The following KAZN variants were observed in gnomAD, a reference collection of about 807,000 sequenced individuals.
The protein encoded by KAZN is kazrin, periplakin interacting protein.
In KAZN, 40 loss-of-function variants were observed where a neutral mutation model predicts 87.4. That is an observed-to-expected ratio of 0.46 (90% CI 0.36 to 0.60). KAZN has a LOEUF of 0.60. KAZN is among the 20% of genes least tolerant of loss of function. KAZN has a pLI of 0.00. For synonymous variants in KAZN, 466 were observed against 458.3 expected, an observed-to-expected ratio of 1.02 and a Z score of -0.22; for missense variants, 898 against 1,073.9, an observed-to-expected ratio of 0.84 and a Z score of 2.29.
intron 1 of KAZN, among the ~76,000 whole-genome samples, chr1:14,118,502 G>A (rs1412272170): frequency 1.3e-5 from 2 of 152,148 alleles, no homozygotes; most frequent in Non-Finnish European, 2.9e-5. Flanking sequence ...ATTTTGAAGT[G>A]TATAAAATTT....
intron 2 of KAZN, among the ~76,000 whole-genome samples, chr1:14,984,334 G>A (rs1022227284): frequency 6.6e-6 from 1 of 151,988 alleles, no homozygotes; most frequent in Non-Finnish European, 1.5e-5. Flanking sequence ...CTGAGATCAT[G>A]CCACTCCACT....
intron 1 of KAZN, among the ~76,000 whole-genome samples, chr1:14,075,452 A>G (rs1480561462): frequency 1.3e-5 from 2 of 152,222 alleles, no homozygotes; most frequent in East Asian, 3.8e-4. Flanking sequence ...CTCAGCACAC[A>G]TCAAGGTGCA....
intron 1 of KAZN, among the ~76,000 whole-genome samples, chr1:14,644,659 C>T (rs1413059566): frequency 6.6e-6 from 1 of 152,184 alleles, no homozygotes; most frequent in Admixed American, 6.5e-5. Context: ...CCGTGCCGGG[C>T]CTTCTCTTGT....
chr1:14,271,403 G>A (rs1469648152), intron 2 of KAZN, among the ~76,000 whole-genome samples: 1 of 152,192 alleles, frequency 6.6e-6, no homozygotes, highest in Non-Finnish European at 1.5e-5. Flanking sequence ...ACCCAGTTGT[G>A]ATTAACTGAA....
chr1:14,237,423 G>C (rs535520759), intron 2 of KAZN, among the ~76,000 whole-genome samples: 1 of 152,020 alleles, frequency 6.6e-6, no homozygotes, highest in Non-Finnish European at 1.5e-5. Context: ...TCATTGCCTC[G>C]TCACATGAAA....
chr1:14,138,461 T>C (rs959007480), intron 1 of KAZN, among the ~76,000 whole-genome samples: 1 of 152,112 alleles, frequency 6.6e-6, no homozygotes, highest in African/African-American at 2.4e-5. Context: ...TAATGTCTCA[T>C]TGGTCACATG....
chr1:14,394,066 C>G (rs1417369478), intron 2 of KAZN, among the ~76,000 whole-genome samples: 2 of 152,162 alleles, frequency 1.3e-5, no homozygotes, highest in African/African-American at 4.8e-5. Flanking sequence ...TTGATGTTCT[C>G]TTGTCACCAA....
chr1:14,404,308 G>A (rs866791497), intron 2 of KAZN, among the ~76,000 whole-genome samples: 1 of 152,324 alleles, frequency 6.6e-6, no homozygotes, highest in African/African-American at 2.4e-5. Context: ...ACTTGTGCAA[G>A]CTTCCAACTT....
At chr1:14,929,370 A>G (rs1025403768) in intron 1 of KAZN, among the ~76,000 whole-genome samples, 1 of 152,230 alleles carries the variant, frequency 6.6e-6, no homozygotes, top group African/African-American at 2.4e-5. Flanking sequence ...CATAATGGGC[A>G]CCAAGCACCA....
At chr1:14,183,599 C>T (rs944077100) in intron 2 of KAZN, among the ~76,000 whole-genome samples, 8 of 152,040 alleles carry the variant, frequency 5.3e-5, no homozygotes, top group African/African-American at 9.7e-5. Flanking sequence ...ACCGAAGAAG[C>T]GATTCTTTCT....
chr1:14,937,315 G>A lies in KAZN; in HGVS notation c.227-23369G>A, dbSNP rs569495093. Among the ~76,000 whole-genome samples the A allele has an allele frequency of 5.9e-5, 9 of 152,264 alleles. 1 individual carries two copies. Among genetic ancestry groups the A allele is most frequent in the Non-Finnish European group, 1.0e-4 (7 of 68,022 alleles). ...GGTTTTCTTAGAGCACCTACTTGGG[G>A]CCAGCTCCCTTTCTAGTTCCCTGCA... is the stretch of plus-strand genomic sequence containing the variant. On this transcript the variant is annotated intron_variant, in intron 1 of 14. Coordinates refer to ENST00000376030, the MANE Select transcript of KAZN (RefSeq NM_201628.3).
At chr1:14,950,245 G>A (rs1347084103) in intron 1 of KAZN, among the ~76,000 whole-genome samples, 1 of 152,030 alleles carries the variant, frequency 6.6e-6, no homozygotes, top group Non-Finnish European at 1.5e-5. Context: ...AGGATCATAT[G>A]ACACAGGCCC....
At chr1:14,973,239 T>G (rs1557675366) in intron 2 of KAZN, among the ~76,000 whole-genome samples, 1 of 152,242 alleles carries the variant, frequency 6.6e-6, no homozygotes. Flanking sequence ...CAGCAGATAC[T>G]TGTTGAAGTC....
intron 1 of KAZN, among the ~76,000 whole-genome samples, chr1:14,827,894 A>T (rs1157795338): frequency 6.6e-6 from 1 of 152,216 alleles, no homozygotes; most frequent in Non-Finnish European, 1.5e-5. Flanking sequence ...AAACCCTAGA[A>T]ATAGACTGGG....
intron 1 of KAZN, among the ~76,000 whole-genome samples, chr1:14,664,045 T>C (rs1201660940): frequency 2.6e-5 from 4 of 152,228 alleles, no homozygotes; most frequent in Non-Finnish European, 5.9e-5. Context: ...TTAGGGATAG[T>C]ATGCTAAGTG....
At chr1:14,456,727 A>G (rs1271738868) in intron 2 of KAZN, among the ~76,000 whole-genome samples, 1 of 152,160 alleles carries the variant, frequency 6.6e-6, no homozygotes, top group Non-Finnish European at 1.5e-5. Flanking sequence ...GCACCCTTTC[A>G]TAGGGGTATG....
At chr1:14,381,729 G>C (rs1661387925) in intron 2 of KAZN, among the ~76,000 whole-genome samples, 1 of 152,050 alleles carries the variant, frequency 6.6e-6, no homozygotes, top group Non-Finnish European at 1.5e-5. Flanking sequence ...ATGCTGAATG[G>C]GAAAAAACGG....
chr1:14,804,517 A>T (rs746019742), intron 1 of KAZN, among the ~76,000 whole-genome samples: 4 of 151,994 alleles, frequency 2.6e-5, no homozygotes, highest in Non-Finnish European at 5.9e-5. Flanking sequence ...TACAGGGGAG[A>T]TCTCCCACAA....
At chr1:14,669,843 A>G (rs1242859664) in intron 1 of KAZN, among the ~76,000 whole-genome samples, 1 of 152,206 alleles carries the variant, frequency 6.6e-6, no homozygotes, top group East Asian at 1.9e-4. Flanking sequence ...CATCCTTTGT[A>G]TGTGTATTTT....
Sources: gnomAD v4.1 joint callset for allele counts (sites outside exome capture counted in the v4.1 genomes callset) on GRCh38, gnomAD v4.1.1 for gene constraint, MANE v1.5 for transcripts, NCBI Gene and HGNC (gene_info 2026-07-23, HGNC 2026-07-21) for gene names.